The following DCP2 variants were observed in gnomAD, a reference collection of about 807,000 sequenced individuals.
DCP2 encodes decapping mRNA 2.
A neutral mutation model predicts 56.1 loss-of-function variants in DCP2; 30 were observed. The ratio of observed to expected loss-of-function variants is 0.53; its 90% CI spans 0.40 to 0.73. The LOEUF (loss-of-function observed/expected upper bound fraction) is 0.73. Among genes scored for constraint, DCP2 ranks in the 30% least tolerant of loss-of-function variants. DCP2 has a pLI of 0.00. For missense variants in DCP2, 533 were observed against 502.7 expected (o/e 1.06, Z -0.58); for synonymous variants, 197 against 163.3 (o/e 1.21, Z -1.57).
chr5:113,003,899 G>T (rs1749296173), intron 7 of DCP2, 43 bp from the exon 8 acceptor site: 3 of 1,607,942 alleles, frequency 1.9e-6, no homozygotes, highest in Non-Finnish European at 2.6e-6. Flanking sequence ...AGAACTATAA[G>T]TGAACATTTT....
chr5:113,002,160 C>T (rs575336159), intron 7 of DCP2, among the ~76,000 whole-genome samples: 1 of 152,244 alleles, frequency 6.6e-6, no homozygotes, highest in African/African-American at 2.4e-5. Flanking sequence ...CAGTGGCTCA[C>T]GCCTGTAATT....
Position 112,985,841 on chromosome 5 carries a change from T to A in DCP2, c.60T>A (p.Phe20Leu). The change falls in exon 2 of 11, where the codon TTT becomes TTA. Residue 20 changes from phenylalanine to leucine, a missense_variant. Phe to Leu is a conservative substitution (Grantham distance 22). This residue lies in a region of DCP2 where 137 missense variants were observed against 138.2 expected (regional missense o/e 0.99). Coordinates refer to ENST00000389063, the MANE Select transcript of DCP2 (RefSeq NM_152624.6). ...TGTGTTTTGTTTTTGACAGCCGATT[T>A]ATTTTGCATATTCCCAGCGAGGAAA... Reference protein sequence around the residue: ...GSVLDDLCSRFILHIPSEERD... With the variant: ...GSVLDDLCSRLILHIPSEERD... The A allele has an allele frequency of 1.3e-6, 2 of 1,599,604 alleles. No homozygotes were observed. The highest frequency in any genetic ancestry group is 1.7e-6 in the Non-Finnish European group (2 of 1,167,790).
chr5:113,008,685 T>G (rs959576272), intron 9 of DCP2, among the ~76,000 whole-genome samples: 1 of 152,166 alleles, frequency 6.6e-6, no homozygotes, highest in Non-Finnish European at 1.5e-5. Flanking sequence ...CCCTGGGTAT[T>G]TACTTAATTT....
At chr5:113,004,794 A>G (rs2150186614) in intron 8 of DCP2, among the ~76,000 whole-genome samples, 1 of 151,304 alleles carries the variant, frequency 6.6e-6, no homozygotes, top group South Asian at 2.1e-4. Context: ...TTTTAATTTC[A>G]GGTTTCAATG....
intron 1 of DCP2, among the ~76,000 whole-genome samples, chr5:112,985,334 G>A (rs33545): frequency 0.54 from 81,673 of 151,948 alleles, 23,051 homozygotes; most frequent in African/African-American, 0.72. Flanking sequence ...AAAAGTGAGT[G>A]TATTTGAAAG....
intron 2 of DCP2, among the ~76,000 whole-genome samples, chr5:112,991,224 A>G (rs1296047853): frequency 6.6e-6 from 1 of 152,258 alleles, no homozygotes; most frequent in Non-Finnish European, 1.5e-5. Flanking sequence ...AAAACACAGT[A>G]TACAAATTTT....
chr5:112,990,310 CCT>C (rs1748522182), intron 2 of DCP2, among the ~76,000 whole-genome samples: 1 of 152,124 alleles, frequency 6.6e-6, no homozygotes, highest in Non-Finnish European at 1.5e-5. Flanking sequence ...CTTGTCTATG[CCT>C]CTGTTTTCTC....
chr5:112,983,005 C>G (rs1748082568), intron 1 of DCP2, among the ~76,000 whole-genome samples: 1 of 152,120 alleles, frequency 6.6e-6, no homozygotes, highest in Admixed American at 6.6e-5. Context: ...ACAGATAAAG[C>G]AGACTTTAAA....
intron 1 of DCP2, among the ~76,000 whole-genome samples, chr5:112,982,685 C>A (rs1341011475): frequency 6.6e-6 from 1 of 152,076 alleles, no homozygotes; most frequent in Non-Finnish European, 1.5e-5. Flanking sequence ...TACTTAGTTA[C>A]TGTACATTTA....
At chr5:112,988,278 C>A (rs188146030) in intron 2 of DCP2, among the ~76,000 whole-genome samples, 3 of 149,598 alleles carry the variant, frequency 2.0e-5, no homozygotes, top group Non-Finnish European at 4.4e-5. Context: ...GTCAGGAGAT[C>A]GAGACCATCC....
At chr5:112,997,928 T>TA (rs553901785) in intron 4 of DCP2, among the ~76,000 whole-genome samples, 5 of 152,062 alleles carry the variant, frequency 3.3e-5, no homozygotes, top group Non-Finnish European at 7.4e-5. Context: ...GGTAACACTT[T>TA]AAAAAAAATT....
In DCP2 at chr5:112,992,173, T is replaced by G. The variant is rs199540985; in HGVS notation, c.258T>G (p.Val86=). The part of the protein sequence containing the change: ...LLPQGEDVEK[V]LDEWKEYKMG... ...CTCAAGGTGAAGATGTGGAAAAAGT[T>G]TTGGATGAATGGAAGGAATATAAAA... Residue 86 remains valine (V), a synonymous_variant, in exon 3 of 11, where the codon GTT becomes GTG. Coordinates refer to ENST00000389063, the MANE Select transcript of DCP2 (RefSeq NM_152624.6). The G allele has an allele frequency of 3.3e-5, 53 of 1,614,028 alleles. No individual in the cohort carries two copies. The highest frequency in any genetic ancestry group is 3.9e-5 in the Non-Finnish European group (46 of 1,179,974).
At chr5:113,001,051 A>G in intron 4 of DCP2, 33 bp from the exon 5 acceptor site, 1 of 1,562,808 alleles carries the variant, frequency 6.4e-7, no homozygotes, top group Non-Finnish European at 8.6e-7. Flanking sequence ...TAAGAACTAA[A>G]ATGAAAATTT....
chr5:112,989,179 G>A (rs1748454255), intron 2 of DCP2, among the ~76,000 whole-genome samples: 1 of 152,140 alleles, frequency 6.6e-6, no homozygotes, highest in African/African-American at 2.4e-5. Flanking sequence ...AGTGTTCAGT[G>A]GGAACAGAAG....
chr5:112,995,849 C>T (rs1303964904), intron 4 of DCP2, among the ~76,000 whole-genome samples: 1 of 152,154 alleles, frequency 6.6e-6, no homozygotes, highest in Non-Finnish European at 1.5e-5. Context: ...GATGGAGTGG[C>T]TTAAACAAAT....
chr5:112,981,029 A>ATT (rs35338836), intron 1 of DCP2, among the ~76,000 whole-genome samples: 23 of 149,638 alleles, frequency 1.5e-4, no homozygotes, highest in Admixed American at 2.7e-4. Flanking sequence ...TGACTTTATG[A>ATT]TTTTTTTTTT....
intron 2 of DCP2, among the ~76,000 whole-genome samples, chr5:112,986,835 A>G (rs1748311800): frequency 6.6e-6 from 1 of 151,988 alleles, no homozygotes; most frequent in Non-Finnish European, 1.5e-5. Context: ...CCTCATCTCT[A>G]CCAAAAGTAC....
At chr5:112,992,023 C>T in intron 2 of DCP2, 98 bp from the exon 3 acceptor site, 2 of 1,499,814 alleles carry the variant, frequency 1.3e-6, no homozygotes, top group Non-Finnish European at 1.8e-6. Context: ...TGAATAATTT[C>T]ACATGAAATA....
rs754879333 is a variant in DCP2 at position 112,985,828 on chromosome 5, T to C, written c.54-7T>C. 5.4e-5 allele frequency: 86 copies of C among 1,593,270 alleles called. No homozygotes were observed. The highest frequency in any genetic ancestry group is 7.1e-5 in the Non-Finnish European group (83 of 1,162,416). On this transcript the variant is annotated splice_region_variant and splice_polypyrimidine_tract_variant and intron_variant, in intron 1 of 10. Coordinates refer to ENST00000389063, the MANE Select transcript of DCP2 (RefSeq NM_152624.6). The stretch of plus-strand genomic sequence containing the variant: ...TGTAATTTTTGTATGTGTTTTGTTT[T>C]TGACAGCCGATTTATTTTGCATATT...
Sources: gnomAD v4.1 joint callset for allele counts (sites outside exome capture counted in the v4.1 genomes callset) on GRCh38, gnomAD v4.1.1 for gene constraint, gnomAD v4.1.1 regional missense constraint, MANE v1.5 for transcripts, NCBI Gene and HGNC (gene_info 2026-07-23, HGNC 2026-07-21) for gene names.